The following ADAMTSL1 variants were observed in gnomAD, a reference collection of about 807,000 sequenced individuals.
ADAMTSL1 encodes the protein ADAMTS like 1.
A neutral mutation model predicts 201.8 loss-of-function variants in ADAMTSL1; 126 were observed. The ratio of observed to expected loss-of-function variants is 0.62; its 90% CI spans 0.54 to 0.72. The LOEUF is 0.72. Among genes scored for constraint, ADAMTSL1 ranks in the 30% least tolerant of loss-of-function variants. ADAMTSL1 has a pLI of 0.00. For missense variants in ADAMTSL1, 2,679 were observed against 2,277.8 expected, an observed-to-expected ratio of 1.18 and a Z score of -3.59; for synonymous variants, 1,121 against 903.4, an observed-to-expected ratio of 1.24 and a Z score of -4.32.
chr9:18,777,974 C>G, intron 19 of ADAMTSL1, 68 bp downstream of exon 19: 2 of 1,503,424 alleles, frequency 1.3e-6, no homozygotes, highest in Non-Finnish European at 8.9e-7. Context: ...AGTCACACTA[C>G]TTACACATTC....
chr9:18,227,855 A>T (rs975913449), intron 2 of ADAMTSL1, among the ~76,000 whole-genome samples: 1 of 152,180 alleles, frequency 6.6e-6, no homozygotes, highest in Non-Finnish European at 1.5e-5. Context: ...CCCCTTAAGG[A>T]TACTGTGTCT....
At chr9:18,675,120 C>A (rs1034266521) in intron 9 of ADAMTSL1, among the ~76,000 whole-genome samples, 4 of 152,166 alleles carry the variant, frequency 2.6e-5, no homozygotes, top group Non-Finnish European at 1.5e-5. Flanking sequence ...CCTAGAGGTA[C>A]TAACAAGCCA....
At chr9:18,887,280 T>G (rs1428089830) in intron 23 of ADAMTSL1, among the ~76,000 whole-genome samples, 1 of 152,200 alleles carries the variant, frequency 6.6e-6, no homozygotes, top group African/African-American at 2.4e-5. Flanking sequence ...AGTGCAGGCT[T>G]GGCAAAAGCC....
intron 1 of ADAMTSL1, among the ~76,000 whole-genome samples, chr9:18,481,145 A>G (rs1685719446): frequency 6.6e-6 from 1 of 152,210 alleles, no homozygotes. Context: ...AAGTAAACAA[A>G]TGTTTTGTAC....
At chr9:18,260,461 C>T (rs1389659829) in intron 2 of ADAMTSL1, among the ~76,000 whole-genome samples, 3 of 152,254 alleles carry the variant, frequency 2.0e-5, no homozygotes, top group Non-Finnish European at 4.4e-5. Context: ...GGAGAAGGCT[C>T]TCTCCAATCC....
intron 15 of ADAMTSL1, among the ~76,000 whole-genome samples, chr9:18,725,641 A>C (rs934050593): frequency 6.6e-6 from 1 of 152,204 alleles, no homozygotes; most frequent in Non-Finnish European, 1.5e-5. Context: ...TTATACAAGG[A>C]ATACATGAAT....
intron 1 of ADAMTSL1, among the ~76,000 whole-genome samples, chr9:18,121,283 T>G (rs1825485114): frequency 6.6e-6 from 1 of 152,316 alleles, no homozygotes; most frequent in South Asian, 2.1e-4. Context: ...TTGAAATGAT[T>G]CCATTTTTAT....
At chr9:18,393,782 C>T (rs116483622) in intron 2 of ADAMTSL1, among the ~76,000 whole-genome samples, 2,043 of 152,212 alleles carry the variant, frequency 0.013, 46 homozygotes, top group African/African-American at 0.047. Flanking sequence ...CCCAGTATTC[C>T]TGGCAGCCAT....
chr9:18,411,000 C>G (rs1044704352), intron 2 of ADAMTSL1, among the ~76,000 whole-genome samples: 121 of 151,060 alleles, frequency 8.0e-4, no homozygotes, highest in African/African-American at 2.9e-3. Context: ...CACCACCACG[C>G]CTGGCTAGTT....
At chr9:18,829,607 G>T (rs1271071917) in intron 22 of ADAMTSL1, among the ~76,000 whole-genome samples, 1 of 152,180 alleles carries the variant, frequency 6.6e-6, no homozygotes, top group East Asian at 1.9e-4. Context: ...TGGTATGCCT[G>T]CTTCTTCTTA....
At chr9:18,131,340 A>C (rs1056438606) in intron 1 of ADAMTSL1, among the ~76,000 whole-genome samples, 10 of 152,186 alleles carry the variant, frequency 6.6e-5, no homozygotes, top group Non-Finnish European at 1.2e-4. Context: ...TCTTCAAATA[A>C]TATTGTTTTA....
intron 1 of ADAMTSL1, among the ~76,000 whole-genome samples, chr9:18,148,269 T>C (rs928901617): frequency 1.3e-5 from 2 of 151,402 alleles, no homozygotes; most frequent in Admixed American, 6.6e-5. Flanking sequence ...AAATGGAACA[T>C]CCTATTTTCA....
rs528372662 is a variant in ADAMTSL1, at chr9:18,314,434, T to C, written c.207+150453T>C. ...TTTGTTCCTTCTGGTGGGTTTGTGA[T>C]CTCGCTGACTTCAGGAGTGATGCTG... On this transcript the variant is annotated intron_variant, in intron 2 of 29. Coordinates refer to the ADAMTSL1 transcript ENST00000680146. Among the ~76,000 whole-genome samples, 5 of 152,198 alleles carry C rather than the reference T, an allele frequency of 3.3e-5. No homozygotes were observed. In the South Asian group the frequency reaches 8.4e-4, roughly 25 times the overall value.
chr9:18,045,604 C>T (rs1821623907), intron 1 of ADAMTSL1, among the ~76,000 whole-genome samples: 1 of 152,050 alleles, frequency 6.6e-6, no homozygotes. Context: ...AATACAAAAG[C>T]ACTGCCCTTC....
chr9:18,480,219 A>G (rs1049163922), intron 1 of ADAMTSL1, among the ~76,000 whole-genome samples: 2 of 152,220 alleles, frequency 1.3e-5, no homozygotes, highest in Non-Finnish European at 2.9e-5. Context: ...TCTTCTTGCT[A>G]CTGGGCACAA....
chr9:18,513,719 G>C (rs1191786265), intron 2 of ADAMTSL1, among the ~76,000 whole-genome samples: 1 of 152,134 alleles, frequency 6.6e-6, no homozygotes, highest in Admixed American at 6.5e-5. Flanking sequence ...TGGATATCCA[G>C]TTTTCCCAGC....
intron 2 of ADAMTSL1, among the ~76,000 whole-genome samples, chr9:18,245,044 C>T (rs533478622): frequency 6.6e-6 from 1 of 152,160 alleles, no homozygotes; most frequent in Admixed American, 6.5e-5. Flanking sequence ...TTGTATCTGA[C>T]GAAGACCATC....
intron 2 of ADAMTSL1, among the ~76,000 whole-genome samples, chr9:18,334,505 T>C (rs1421837837): frequency 1.3e-5 from 2 of 152,216 alleles, no homozygotes; most frequent in Non-Finnish European, 2.9e-5. Context: ...CAAAATTATA[T>C]TCTACATTAT....
Position 17,948,017 on chromosome 9 carries a change from C to G in ADAMTSL1, c.87+41095C>G, listed in dbSNP as rs116616154. Among the ~76,000 whole-genome samples the G allele has an allele frequency of 3.0e-3, 454 of 152,202 alleles. 5 individuals are homozygous for G. Among genetic ancestry groups the G allele is most frequent in the African/African-American group, 0.01 (420 of 41,532 alleles). ...ATGTGGTCACTGATGCACTGTGGCTCCAGTGGTGGGTGGTAAATGTCGACA... is the reference window on the plus strand; with the variant it reads ...ATGTGGTCACTGATGCACTGTGGCTGCAGTGGTGGGTGGTAAATGTCGACA... On this transcript the variant is annotated intron_variant, in intron 1 of 29. Coordinates refer to the ADAMTSL1 transcript ENST00000680146.
Sources: gnomAD v4.1 joint callset for allele counts (sites outside exome capture counted in the v4.1 genomes callset) on GRCh38, gnomAD v4.1.1 for gene constraint, MANE v1.5 for transcripts, NCBI Gene and HGNC (gene_info 2026-07-23, HGNC 2026-07-21) for gene names.